The following EML6 variants were observed in gnomAD, a reference collection of about 807,000 sequenced individuals.
EML6 encodes the protein echinoderm microtubule-associated protein-like 6.
A neutral mutation model predicts 240.1 loss-of-function variants in EML6; 154 were observed. The observed-to-expected ratio is 0.64, with a 90% CI of 0.56 to 0.73. EML6 has a LOEUF of 0.73. EML6 is among the 30% of genes least tolerant of loss of function. The pLI, the probability that EML6 is intolerant of heterozygous loss-of-function variation, is 0.00. For synonymous variants in EML6, 1,148 were observed against 899.0 expected, an observed-to-expected ratio of 1.28 and a Z score of -4.95; for missense variants, 2,964 against 2,474.6, an observed-to-expected ratio of 1.20 and a Z score of -4.20.
At chr2:54,730,079 T>C (rs1437654228) in intron 2 of EML6, among the ~76,000 whole-genome samples, 2 of 151,584 alleles carry the variant, frequency 1.3e-5, no homozygotes, top group Non-Finnish European at 2.9e-5. Context: ...GAGGTTGCAG[T>C]AAGCCCAGTT....
intron 6 of EML6, 47 bp downstream of exon 6, chr2:54,827,798 TA>T: frequency 1.5e-6 from 2 of 1,361,052 alleles, no homozygotes; most frequent in Non-Finnish European, 2.0e-6. Context: ...CCAAATAAGG[TA>T]AGACCACGAA....
In EML6 at chr2:54,961,184, G is replaced by GTTGTTTTTTTTTTTTT; in HGVS notation, c.4968+852_4968+853insGTTTTTTTTTTTTTTT. Among the ~76,000 whole-genome samples, 299 of 55,398 alleles carry GTTGTTTTTTTTTTTTT rather than the reference G, an allele frequency of 5.4e-3. 113 individuals carry two copies. The highest frequency in any genetic ancestry group is 0.012 in the African/African-American group (154 of 12,358). 36.3% of individuals were successfully genotyped at this position (55,398 alleles called of 152,430 possible). On this transcript the variant is annotated intron_variant, in intron 35 of 41. Transcript: ENST00000356458. ...GGAGCCTGGAAGTTATCAGGAAGTAGTTTTTTTTTTTTTTTTTTTGAGACG... is the reference window on the plus strand; with the variant it reads ...GGAGCCTGGAAGTTATCAGGAAGTAGTTGTTTTTTTTTTTTTTTTTTTTTTTTTTTTTTTTGAGACG...
chr2:54,794,981 C>G (rs1458267196), intron 2 of EML6, among the ~76,000 whole-genome samples: 3 of 152,164 alleles, frequency 2.0e-5, no homozygotes, highest in Non-Finnish European at 4.4e-5. Context: ...TCCCACCGAC[C>G]CAGCCTTCTT....
chr2:54,859,503 T>C, intron 11 of EML6, 31 bp from the exon 12 acceptor site: 1 of 1,533,758 alleles, frequency 6.5e-7, no homozygotes, highest in Non-Finnish European at 8.8e-7. Context: ...TCTTTTTTCA[T>C]AACTAATCCT....
intron 39 of EML6, 92 bp from the exon 40 acceptor site, chr2:54,968,036 C>G (rs1676824937): frequency 3.1e-6 from 4 of 1,286,554 alleles, no homozygotes; most frequent in South Asian, 1.4e-5. Context: ...TTAAACATCC[C>G]TCTCTTCCTT....
At chr2:54,789,436 C>T (rs933045330) in intron 2 of EML6, among the ~76,000 whole-genome samples, 4 of 136,490 alleles carry the variant, frequency 2.9e-5, no homozygotes, top group African/African-American at 1.1e-4. Flanking sequence ...ATGGCGTGAA[C>T]CCGGGAGGCG....
intron 35 of EML6, among the ~76,000 whole-genome samples, chr2:54,961,189 T>TTTTTTTTTGTTTTTTTTTTTG (rs1676490053): frequency 9.3e-6 from 1 of 108,030 alleles, no homozygotes; most frequent in African/African-American, 3.8e-5. Flanking sequence ...AAGTAGTTTT[T>TTTTTTTTTGTTTTTTTTTTTG]TTTTTTTTTT....
chr2:54,937,397 C>G (rs1420274316), intron 28 of EML6, among the ~76,000 whole-genome samples: 1 of 151,408 alleles, frequency 6.6e-6, no homozygotes, highest in Non-Finnish European at 1.5e-5. Context: ...ATAGGGAGAC[C>G]TTGTCTCTAC....
At chr2:54,796,861 AC>A (rs1189827083) in intron 2 of EML6, among the ~76,000 whole-genome samples, 3 of 151,992 alleles carry the variant, frequency 2.0e-5, no homozygotes, top group African/African-American at 7.2e-5. Context: ...AGGACTCCTC[AC>A]CCTGTGGCCA....
chr2:54,960,800 G>A (rs542801618), intron 35 of EML6, among the ~76,000 whole-genome samples: 220 of 152,262 alleles, frequency 1.4e-3, no homozygotes, highest in African/African-American at 5.1e-3. Context: ...TATTTGGGTA[G>A]CGTATCAAAA....
chr2:54,821,557 G>A (rs547309716), intron 5 of EML6, among the ~76,000 whole-genome samples: 6 of 151,994 alleles, frequency 3.9e-5, no homozygotes, highest in Admixed American at 3.9e-4. Flanking sequence ...AATTAATCCG[G>A]AAGCATTAAA....
intron 24 of EML6, among the ~76,000 whole-genome samples, chr2:54,908,897 G>T (rs1673488451): frequency 6.6e-6 from 1 of 152,194 alleles, no homozygotes; most frequent in Non-Finnish European, 1.5e-5. Context: ...CGCGGGGGCA[G>T]TTCTCGGGGA....
chr2:54,871,396 C>T, intron 15 of EML6, 104 bp from the exon 16 acceptor site: 5 of 838,390 alleles, frequency 6.0e-6, no homozygotes, highest in Non-Finnish European at 9.8e-6. Context: ...TTCTATTCTC[C>T]AAATGGGTTT....
chr2:54,850,790 A>G (rs1355802457), intron 10 of EML6, among the ~76,000 whole-genome samples: 1 of 152,214 alleles, frequency 6.6e-6, no homozygotes, highest in African/African-American at 2.4e-5. Context: ...TTGTGACACA[A>G]TGCCTAAATG....
At position 54,861,646 on chromosome 2, in the gene EML6, C is replaced by T. The variant is rs375153492; in HGVS notation, c.1825+1945C>T. Among the ~76,000 whole-genome samples the T allele has an allele frequency of 4.9e-3, 748 of 152,170 alleles. 4 individuals are homozygous for T. The highest frequency in any genetic ancestry group is 0.014 in the South Asian group (67 of 4,818). On this transcript the variant is annotated intron_variant, in intron 12 of 41. Transcript: ENST00000356458. ...GCACATCTTAAGCTCTAGGGGCCAC[C>T]AAAACAGACAATAGTCTGGACAAAC...
chr2:54,772,145 C>G, intron 2 of EML6, among the ~76,000 whole-genome samples: 1 of 152,206 alleles, frequency 6.6e-6, no homozygotes, highest in South Asian at 2.1e-4. Context: ...ATTTTACCAA[C>G]TATTTATGAA....
chr2:54,903,635 G>A (rs1673172314), intron 24 of EML6, 133 bp downstream of exon 24: 4 of 754,936 alleles, frequency 5.3e-6, no homozygotes, highest in Non-Finnish European at 8.1e-6. Flanking sequence ...ATAAACGACT[G>A]TAATTTTACA....
intron 2 of EML6, among the ~76,000 whole-genome samples, chr2:54,731,846 A>G (rs1181499754): frequency 6.6e-6 from 1 of 152,170 alleles, no homozygotes; most frequent in African/African-American, 2.4e-5. Context: ...CCTATCCTCA[A>G]GGTGTGGATC....
At chr2:54,928,227 G>A in intron 26 of EML6, 86 bp from the exon 27 acceptor site, 1 of 1,033,056 alleles carries the variant, frequency 9.7e-7, no homozygotes, top group Non-Finnish European at 1.5e-6. Context: ...TGTTTCCTTT[G>A]TATCCAGTAG....
Sources: allele counts gnomAD v4.1 joint callset (sites outside exome capture counted in the v4.1 genomes callset), GRCh38; gene constraint gnomAD v4.1.1; transcripts MANE v1.5; gene names NCBI Gene and HGNC (gene_info 2026-07-23, HGNC 2026-07-21).